Variants in LIPG observed in about 807,000 individuals in gnomAD.
LIPG encodes the protein lipase G, endothelial type.
A neutral mutation model predicts 51.8 loss-of-function variants in LIPG; 34 were observed. The ratio of observed to expected loss-of-function variants is 0.66; its 90% CI spans 0.50 to 0.87. The LOEUF (loss-of-function observed/expected upper bound fraction) is 0.87, where lower values mean the gene tolerates loss of function less well. LIPG is among the 40% of genes least tolerant of loss of function. LIPG has a pLI of 0.00. For missense variants in LIPG, 580 were observed against 652.7 expected, an observed-to-expected ratio of 0.89 and a Z score of 1.21; for synonymous variants, 246 against 246.1, an observed-to-expected ratio of 1.00 and a Z score of 0.00.
At chr18:49,561,827 G>T (rs2084552442), upstream of LIPG, 1 of 1,254,264 alleles carries the variant, frequency 8.0e-7, no homozygotes, top group Non-Finnish European at 1.0e-6. Context: ...GGAGCTGCTG[G>T]AGTCGCAGCT....
chr18:49,569,637 G>T, intron 4 of LIPG, 89 bp downstream of exon 4: 1 of 1,071,900 alleles, frequency 9.3e-7, no homozygotes, highest in Non-Finnish European at 1.4e-6. Flanking sequence ...GTCATAGAAA[G>T]TTAGCTTTGG....
rs1292287842 is a variant in LIPG at position 49,590,997 on chromosome 18, G to A, written c.*475G>A. 3 of 259,054 alleles carry A rather than the reference G, an allele frequency of 1.2e-5. No homozygotes were observed. Among genetic ancestry groups the A allele is most frequent in the East Asian group, 8.9e-5 (1 of 11,238 alleles). 16.0% of individuals were successfully genotyped at this position (259,054 alleles called of 1,614,324 possible). A position where few individuals can be genotyped will look rare whatever the true frequency, so the allele number is the denominator to read the frequency against. On this transcript the variant is annotated 3_prime_UTR_variant, in exon 10 of 10. Coordinates refer to ENST00000261292, the MANE Select transcript of LIPG (RefSeq NM_006033.4). ...GGATGGCAGGCCTGGTATCTTGCTC[G>A]GGCCCTAGCTGTTGGGGTTCTCATG...
At position 49,590,804 on chromosome 18, in the gene LIPG, T is replaced by C. The variant is rs3744843; in HGVS notation, c.*282T>C. 0.089 allele frequency: 48,608 copies of C among 548,038 alleles called. 3,727 individuals are homozygous for C. Among genetic ancestry groups the C allele is most frequent in the African/African-American group, 0.24 (12,823 of 52,806 alleles). 33.9% of individuals were successfully genotyped at this position (548,038 alleles called of 1,614,324 possible). A position where few individuals can be genotyped will look rare whatever the true frequency, so the allele number is the denominator to read the frequency against. ...ATTTGTGTGTAAGCAGCTGGGTGCC[T>C]GGGGCCTCTCGTGCACACTGGATTG... On this transcript the variant is annotated 3_prime_UTR_variant, in exon 10 of 10. Transcript: ENST00000261292.
intron 8 of LIPG, among the ~76,000 whole-genome samples, chr18:49,586,349 A>G (rs186879105): frequency 6.6e-6 from 1 of 152,382 alleles, no homozygotes; most frequent in Admixed American, 6.5e-5. Flanking sequence ...TCCATGTTGC[A>G]AGAAGTAGCA....
chr18:49,591,606 G>A lies in LIPG; in HGVS notation c.*1084G>A, dbSNP rs1332518526. The A allele has an allele frequency of 1.3e-5, 2 of 152,196 alleles. No homozygotes were observed. The highest frequency in any genetic ancestry group is 2.4e-5 in the African/African-American group (1 of 41,450). The allele number at this position is 152,196 out of a possible 1,614,324, so 9.4% of individuals were successfully genotyped here. On this transcript the variant is annotated 3_prime_UTR_variant, in exon 10 of 10. Coordinates refer to ENST00000261292, the MANE Select transcript of LIPG (RefSeq NM_006033.4). ...AGCTGGTTCTAAGATTTAATACAGTGCTTTTTTTCCTCTTTGAAATATTTT... is the reference window on the plus strand; with the variant it reads ...AGCTGGTTCTAAGATTTAATACAGTACTTTTTTTCCTCTTTGAAATATTTT...
intron 9 of LIPG, among the ~76,000 whole-genome samples, chr18:49,588,374 C>T (rs1046533119): frequency 1.3e-5 from 2 of 151,654 alleles, no homozygotes; most frequent in Non-Finnish European, 2.9e-5. Flanking sequence ...CCTCCGCCTC[C>T]CGGGTCCAAG....
At position 49,596,596 on chromosome 18, in the gene LIPG, C is replaced by T. The variant is rs2143994118; in HGVS notation, c.*6074C>T. The T allele has an allele frequency of 7.5e-6, 1 of 133,634 alleles. No homozygotes were observed. Among genetic ancestry groups the T allele is most frequent in the Non-Finnish European group, 1.5e-5 (1 of 65,206 alleles). 8.3% of individuals were successfully genotyped at this position (133,634 alleles called of 1,614,324 possible). A position where few individuals can be genotyped will look rare whatever the true frequency, so the allele number is the denominator to read the frequency against. On this transcript the variant is annotated 3_prime_UTR_variant, in exon 10 of 10. Transcript: ENST00000261292. ...GTTGCAGTGAGCCTAGATCACGGCA[C>T]TACACTCCAGCCTGGGCAACAAGAG...
chr18:49,581,945 ATTT>A (rs1457157324), intron 6 of LIPG: 2 of 592,614 alleles, frequency 3.4e-6, no homozygotes, highest in Non-Finnish European at 6.0e-6. Flanking sequence ...TTGTTTTCTC[ATTT>A]GATCATCACA....
intron 5 of LIPG, among the ~76,000 whole-genome samples, chr18:49,579,863 G>C (rs558948537): frequency 6.8e-6 from 1 of 146,316 alleles, no homozygotes; most frequent in Non-Finnish European, 1.5e-5. Flanking sequence ...CCCCAGGCTG[G>C]AGTGCAATGG....
intron 3 of LIPG, 139 bp from the exon 4 acceptor site, chr18:49,569,298 C>A: frequency 1.3e-6 from 1 of 761,106 alleles, no homozygotes; most frequent in Non-Finnish European, 2.3e-6. Context: ...ACCAGCAAAG[C>A]CAGTGGGGCC....
intron 4 of LIPG, among the ~76,000 whole-genome samples, chr18:49,570,050 G>C (rs1247853584): frequency 6.6e-6 from 1 of 152,228 alleles, no homozygotes; most frequent in Non-Finnish European, 1.5e-5. Flanking sequence ...CAGGGGAAAA[G>C]AATGAATAGT....
chr18:49,578,796 G>A (rs1384060276), intron 5 of LIPG, among the ~76,000 whole-genome samples: 7 of 151,432 alleles, frequency 4.6e-5, no homozygotes, highest in East Asian at 4.0e-4. Context: ...CAAGGCTGGC[G>A]GATCACTCGC....
At chr18:49,576,488 A>T in intron 5 of LIPG, among the ~76,000 whole-genome samples, 1 of 20,680 alleles carries the variant, frequency 4.8e-5, no homozygotes, top group Admixed American at 4.8e-4. Flanking sequence ...TTTTTTTGAG[A>T]CGGAGTTTTG....
intron 8 of LIPG, among the ~76,000 whole-genome samples, chr18:49,584,951 GCC>G (rs986020937): frequency 3.9e-5 from 6 of 152,148 alleles, no homozygotes; most frequent in Non-Finnish European, 8.8e-5. Context: ...TACAGTTGAA[GCC>G]CCTGTGTCCT....
intron 9 of LIPG, among the ~76,000 whole-genome samples, chr18:49,587,568 CAAAAAAAAA>C (rs34734805): frequency 2.4e-5 from 1 of 42,308 alleles, no homozygotes; most frequent in Non-Finnish European, 4.3e-5. Flanking sequence ...GACTCCGTCT[CAAAAAAAAA>C]AAAAAAAAAA....
rs948628777 is a variant in LIPG, at chr18:49,584,067, C to T, written c.1376+293C>T. ...CTTGTGTCAGCCTGGAGGAGGGGGA[C>T]TTCTCCTGGACTGGGCTTTTTAGGA... On this transcript the variant is annotated intron_variant, in intron 8 of 9. Transcript: ENST00000261292. Among the ~76,000 whole-genome samples, 4 of 152,134 alleles carry T rather than the reference C, an allele frequency of 2.6e-5. No individual in the cohort carries two copies. In the South Asian group the frequency reaches 6.2e-4, roughly 24 times the overall value.
rs2084934166 is a variant in LIPG at position 49,590,733 on chromosome 18, C to A, written c.*211C>A. On this transcript the variant is annotated 3_prime_UTR_variant, in exon 10 of 10. Transcript: ENST00000261292. ...AGCTCTTGCTGCCTCTCTTGAATAG[C>A]TCTAACTCCAAACCTCTGTCCACAC... The A allele has an allele frequency of 3.2e-6, 2 of 629,572 alleles. No individual in the cohort carries two copies. The highest frequency in any genetic ancestry group is 3.7e-5 in the South Asian group (2 of 54,340). 39.0% of individuals were successfully genotyped at this position (629,572 alleles called of 1,614,324 possible).
intron 5 of LIPG, among the ~76,000 whole-genome samples, chr18:49,580,876 C>T (rs921464655): frequency 6.6e-6 from 1 of 152,126 alleles, no homozygotes; most frequent in African/African-American, 2.4e-5. Context: ...GCTGTCTTCC[C>T]ATCAAGAGAG....
rs144221267 is a variant in LIPG at position 49,597,914 on chromosome 18, A to G, written c.*7392A>G. On this transcript the variant is annotated 3_prime_UTR_variant, in exon 10 of 10. Coordinates refer to ENST00000261292, the MANE Select transcript of LIPG (RefSeq NM_006033.4). ...CATTATCTTTACTTCTGCCCTGGTTATTATCCCAAGGCAACTTCAGTGGGC... is the reference window on the plus strand; with the variant it reads ...CATTATCTTTACTTCTGCCCTGGTTGTTATCCCAAGGCAACTTCAGTGGGC... The G allele has an allele frequency of 4.6e-5, 7 of 152,306 alleles. No homozygotes were observed. In the East Asian group the frequency reaches 1.3e-3, roughly 29 times the overall value. The allele number at this position is 152,306 out of a possible 1,614,324, so 9.4% of individuals were successfully genotyped here.
Sources: gnomAD v4.1 joint callset for allele counts (sites outside exome capture counted in the v4.1 genomes callset) on GRCh38, gnomAD v4.1.1 for gene constraint, MANE v1.5 for transcripts, NCBI Gene and HGNC (gene_info 2026-07-23, HGNC 2026-07-21) for gene names.